The following NUFIP1 variants were observed in gnomAD, a reference collection of about 807,000 sequenced individuals.
NUFIP1 encodes the protein nuclear FMR1 interacting protein 1.
A neutral mutation model predicts 56.2 loss-of-function variants in NUFIP1; 38 were observed. The ratio of observed to expected loss-of-function variants is 0.68; its 90% CI spans 0.52 to 0.89. The LOEUF (loss-of-function observed/expected upper bound fraction) is 0.89. NUFIP1 is among the 40% of genes least tolerant of loss of function. The probability of loss-of-function intolerance (pLI) is 0.00; values close to 1 mark genes in which losing one functional copy is unlikely to be tolerated. For missense variants in NUFIP1, 567 were observed against 605.8 expected (o/e 0.94, Z 0.67); for synonymous variants, 215 against 212.4 (o/e 1.01, Z -0.10).
At chr13:44,978,672 A>G (rs932105313) in intron 5 of NUFIP1, among the ~76,000 whole-genome samples, 1 of 152,208 alleles carries the variant, frequency 6.6e-6, no homozygotes, top group Non-Finnish European at 1.5e-5. Flanking sequence ...AAGCACCTGT[A>G]TCTCTTATCC....
chr13:44,952,673 C>T (rs1871120669), intron 7 of NUFIP1, among the ~76,000 whole-genome samples: 1 of 152,152 alleles, frequency 6.6e-6, no homozygotes, highest in Admixed American at 6.5e-5. Context: ...CTGATGTTAC[C>T]ATCTGACATA....
chr13:44,988,409 G>A (rs371857714), intron 1 of NUFIP1, among the ~76,000 whole-genome samples: 10 of 151,970 alleles, frequency 6.6e-5, no homozygotes, highest in African/African-American at 1.9e-4. Flanking sequence ...AGTAGATCGC[G>A]CTACTCTTCA....
chr13:44,955,567 T>C (rs1356017348), intron 7 of NUFIP1, among the ~76,000 whole-genome samples: 6 of 152,322 alleles, frequency 3.9e-5, no homozygotes, highest in African/African-American at 1.4e-4. Context: ...AAGTATCAAC[T>C]GCCATATGAG....
intron 6 of NUFIP1, among the ~76,000 whole-genome samples, chr13:44,964,393 C>A (rs2137908352): frequency 6.6e-6 from 1 of 152,264 alleles, no homozygotes; most frequent in East Asian, 1.9e-4. Flanking sequence ...CTCTATGACA[C>A]AGGGCATGAA....
intron 8 of NUFIP1, among the ~76,000 whole-genome samples, chr13:44,947,745 C>T (rs973548330): frequency 1.3e-5 from 2 of 152,102 alleles, no homozygotes; most frequent in Admixed American, 1.3e-4. Flanking sequence ...TAATAGTTTT[C>T]TTTGCTATCA....
intron 5 of NUFIP1, among the ~76,000 whole-genome samples, chr13:44,970,465 A>C (rs1166002141): frequency 6.6e-6 from 1 of 152,224 alleles, no homozygotes; most frequent in African/African-American, 2.4e-5. Flanking sequence ...GAGCAACTAC[A>C]TAAAGACCTT....
intron 7 of NUFIP1, among the ~76,000 whole-genome samples, chr13:44,950,753 T>C (rs1377923036): frequency 6.6e-6 from 1 of 152,224 alleles, no homozygotes; most frequent in Non-Finnish European, 1.5e-5. Flanking sequence ...TATAAAGTGT[T>C]TGATCCAGGC....
chr13:44,941,818 A>G (rs1177040473), intron 9 of NUFIP1, among the ~76,000 whole-genome samples: 4 of 152,006 alleles, frequency 2.6e-5, no homozygotes, highest in African/African-American at 9.7e-5. Flanking sequence ...CGGCCAAGAC[A>G]ATCTAGCTTT....
In NUFIP1 at chr13:44,989,026, T is replaced by G. The variant is rs780945384; in HGVS notation, c.411A>C (p.Ala137=). 1.2e-6 allele frequency: 2 copies of G among 1,613,726 alleles called. No individual in the cohort carries two copies. The highest frequency in any genetic ancestry group is 2.2e-5 in the South Asian group (2 of 91,046). Residue 137 remains alanine (A), a splice_region_variant and synonymous_variant, in exon 1 of 10, where the codon GCA becomes GCC. Coordinates refer to ENST00000379161, the MANE Select transcript of NUFIP1 (RefSeq NM_012345.3). ...FPRHQKSFNP[A]VKNSYYPRKY... The stretch of plus-strand genomic sequence containing the variant: ...GACTCACGTGGAAAAATAGCCTACC[T>G]GCAGGGTTGAAGGACTTCTGATGCC...
At chr13:44,943,405 G>T in intron 9 of NUFIP1, 37 bp downstream of exon 9, 1 of 1,552,844 alleles carries the variant, frequency 6.4e-7, no homozygotes, top group Non-Finnish European at 8.9e-7. Flanking sequence ...TATGATGTGA[G>T]AACACAAAGA....
At chr13:44,955,798 A>C (rs1448022603) in intron 7 of NUFIP1, among the ~76,000 whole-genome samples, 1 of 151,224 alleles carries the variant, frequency 6.6e-6, no homozygotes, top group Non-Finnish European at 1.5e-5. Context: ...CACACATAAA[A>C]TATACTAAGA....
intron 5 of NUFIP1, among the ~76,000 whole-genome samples, chr13:44,974,582 C>T (rs1461497399): frequency 2.0e-5 from 3 of 152,112 alleles, no homozygotes; most frequent in African/African-American, 7.2e-5. Flanking sequence ...GACAAGGTTT[C>T]GCTCTGTTAC....
At position 44,950,057 on chromosome 13, in the gene NUFIP1, A is replaced by T. The variant is rs142432285; in HGVS notation, c.1022-219T>A. Reference sequence around the variant, plus strand: ...CCAGAGGAGACAGTGAGGGAAAAGGAAGCTATATAGAGCTCAGTTACTTAG... The same window carrying T: ...CCAGAGGAGACAGTGAGGGAAAAGGTAGCTATATAGAGCTCAGTTACTTAG... On this transcript the variant is annotated intron_variant, in intron 7 of 9. Transcript: ENST00000379161. Among the ~76,000 whole-genome samples the T allele has an allele frequency of 5.3e-5, 8 of 152,324 alleles. No individual in the cohort carries two copies. The East Asian group carries it at 1.5e-3, about 29-fold the overall frequency.
intron 5 of NUFIP1, among the ~76,000 whole-genome samples, chr13:44,976,983 A>AAGGTTCCCAC (rs1359443577): frequency 4.6e-5 from 7 of 152,104 alleles, no homozygotes; most frequent in African/African-American, 1.7e-4. Context: ...TCACCTCCCA[A>AAGGTTCCCAC]AGGTTCCCAC....
intron 9 of NUFIP1, among the ~76,000 whole-genome samples, chr13:44,942,708 TTCC>T (rs1870783194): frequency 6.6e-6 from 1 of 152,178 alleles, no homozygotes; most frequent in Non-Finnish European, 1.5e-5. Flanking sequence ...GATGCATTGC[TTCC>T]TCTTTATAAT....
intron 6 of NUFIP1, among the ~76,000 whole-genome samples, 181 bp downstream of exon 6, chr13:44,965,663 C>A (rs1871572313): frequency 6.6e-6 from 1 of 152,126 alleles, no homozygotes; most frequent in Non-Finnish European, 1.5e-5. Flanking sequence ...CACTGCACTC[C>A]AGCCTGGGCA....
At chr13:44,952,436 T>C (rs1871113406) in intron 7 of NUFIP1, among the ~76,000 whole-genome samples, 1 of 152,210 alleles carries the variant, frequency 6.6e-6, no homozygotes, top group Non-Finnish European at 1.5e-5. Flanking sequence ...CCACATTTTC[T>C]ATATTACTTT....
At chr13:44,964,340 C>A (rs1871524305) in intron 6 of NUFIP1, among the ~76,000 whole-genome samples, 2 of 152,120 alleles carry the variant, frequency 1.3e-5, no homozygotes, top group Non-Finnish European at 2.9e-5. Context: ...TATCCTCCTA[C>A]CTGAAATAAC....
chr13:44,988,829 C>T (rs1872535420), intron 1 of NUFIP1, among the ~76,000 whole-genome samples, 196 bp downstream of exon 1: 1 of 152,140 alleles, frequency 6.6e-6, no homozygotes, highest in Admixed American at 6.5e-5. Flanking sequence ...GCATCTGCGA[C>T]CACAGGCATG....
Sources: gnomAD v4.1 joint callset for allele counts (sites outside exome capture counted in the v4.1 genomes callset) on GRCh38, gnomAD v4.1.1 for gene constraint, MANE v1.5 for transcripts, NCBI Gene and HGNC (gene_info 2026-07-23, HGNC 2026-07-21) for gene names.